Variants in DGKH observed in about 807,000 individuals in gnomAD.
DGKH encodes DAG kinase eta.
In DGKH, 90 loss-of-function variants were observed where a neutral mutation model predicts 159.3. The ratio of observed to expected loss-of-function variants is 0.57; its 90% CI spans 0.48 to 0.67. DGKH has a LOEUF of 0.67. Among genes scored for constraint, DGKH ranks in the 30% least tolerant of loss-of-function variants. The pLI, the probability that DGKH is intolerant of heterozygous loss-of-function variation, is 0.00. For missense variants in DGKH, 1,181 were observed against 1,506.1 expected, an observed-to-expected ratio of 0.78 and a Z score of 3.57; for synonymous variants, 536 against 553.8, an observed-to-expected ratio of 0.97 and a Z score of 0.45.
At chr13:42,064,860 G>T (rs1262258154) in intron 1 of DGKH, among the ~76,000 whole-genome samples, 2 of 151,994 alleles carry the variant, frequency 1.3e-5, no homozygotes, top group East Asian at 3.9e-4. Context: ...CCTAAAGAAA[G>T]AAATAAATCT....
intron 8 of DGKH, among the ~76,000 whole-genome samples, chr13:42,165,892 A>G (rs926982560): frequency 1.3e-5 from 2 of 152,128 alleles, no homozygotes; most frequent in South Asian, 2.1e-4. Flanking sequence ...GAACCCCTCT[A>G]CAACACCGGT....
intron 11 of DGKH, among the ~76,000 whole-genome samples, chr13:42,173,715 A>T (rs776807920): frequency 6.6e-6 from 1 of 152,220 alleles, no homozygotes; most frequent in Non-Finnish European, 1.5e-5. Flanking sequence ...ACAGAAAAGA[A>T]TGGAAAAGTC....
intron 1 of DGKH, among the ~76,000 whole-genome samples, chr13:42,080,329 G>A (rs569545386): frequency 1.3e-5 from 2 of 152,232 alleles, no homozygotes; most frequent in African/African-American, 2.4e-5. Flanking sequence ...GCTGAGTTTC[G>A]TACCATATAG....
intron 1 of DGKH, among the ~76,000 whole-genome samples, chr13:42,040,722 G>A (rs1167689434): frequency 6.7e-6 from 1 of 150,078 alleles, no homozygotes; most frequent in East Asian, 2.0e-4. Flanking sequence ...CGGAGACGGC[G>A]GGTGGGCCGG....
At chr13:42,049,031 C>T (rs1593946647) in intron 1 of DGKH, 66 bp downstream of exon 1, 1 of 996,672 alleles carries the variant, frequency 1.0e-6, no homozygotes, top group African/African-American at 1.9e-5. Flanking sequence ...CGCGGGGGCG[C>T]TGGAACGCGC....
At chr13:42,119,029 C>T (rs1168137458) in intron 1 of DGKH, among the ~76,000 whole-genome samples, 3 of 152,092 alleles carry the variant, frequency 2.0e-5, no homozygotes, top group Non-Finnish European at 4.4e-5. Context: ...TTTGAATTTC[C>T]AAATGATTTA....
At chr13:42,050,603 C>T (rs766533884) in intron 1 of DGKH, among the ~76,000 whole-genome samples, 1 of 152,046 alleles carries the variant, frequency 6.6e-6, no homozygotes, top group Non-Finnish European at 1.5e-5. Flanking sequence ...AAGTTAGGGA[C>T]TTTCCTAAAA....
intron 16 of DGKH, among the ~76,000 whole-genome samples, chr13:42,192,498 G>A (rs1200335938): frequency 1.3e-5 from 2 of 152,048 alleles, no homozygotes; most frequent in East Asian, 1.9e-4. Flanking sequence ...ACATTTGACT[G>A]TATCAAAGAG....
In DGKH at chr13:42,230,065, C is replaced by T. The variant is rs538428288; in HGVS notation, c.*877C>T. Reference sequence around the variant, plus strand: ...GTTAAGAAAATTCTCTGGATATTTTCATAAAATTACATGCTCCCTTACCTG... The same window carrying T: ...GTTAAGAAAATTCTCTGGATATTTTTATAAAATTACATGCTCCCTTACCTG... On this transcript the variant is annotated 3_prime_UTR_variant, in exon 30 of 30. Coordinates refer to ENST00000337343, the MANE Select transcript of DGKH (RefSeq NM_178009.5). 1.3e-5 allele frequency: 2 copies of T among 152,270 alleles called. No homozygotes were observed. Among genetic ancestry groups the T allele is most frequent in the South Asian group, 2.1e-4 (1 of 4,828 alleles). 9.4% of individuals were successfully genotyped at this position (152,270 alleles called of 1,614,324 possible).
chr13:42,059,309 G>C (rs1333618546), intron 1 of DGKH, among the ~76,000 whole-genome samples: 3 of 151,750 alleles, frequency 2.0e-5, no homozygotes, highest in Admixed American at 2.0e-4. Context: ...GAGTGCAGTG[G>C]CATGATCTCA....
At chr13:42,139,854 G>A (rs953394899) in intron 3 of DGKH, among the ~76,000 whole-genome samples, 2 of 152,200 alleles carry the variant, frequency 1.3e-5, no homozygotes, top group African/African-American at 4.8e-5. Context: ...CCTGCCTTCA[G>A]GGATAGGTCC....
At chr13:42,051,646 C>CTTTTTTTTTTT (rs56413015) in intron 1 of DGKH, among the ~76,000 whole-genome samples, 3 of 50,182 alleles carry the variant, frequency 6.0e-5, no homozygotes, top group African/African-American at 2.3e-4. Flanking sequence ...TCAAAGCCAT[C>CTTTTTTTTTTT]TTTTTTTTTT....
chr13:42,189,437 T>C (rs1957011403), intron 15 of DGKH, 128 bp downstream of exon 15: 3 of 1,243,262 alleles, frequency 2.4e-6, no homozygotes, highest in Admixed American at 2.7e-5. Context: ...AGATAGAAGA[T>C]ACAGTCATTA....
At chr13:42,221,133 A>G in intron 28 of DGKH, 131 bp from the exon 29 acceptor site, 1 of 1,223,614 alleles carries the variant, frequency 8.2e-7, no homozygotes, top group Non-Finnish European at 1.1e-6. Context: ...TTTTGTTGAA[A>G]CAACACCTTT....
At chr13:42,164,412 A>C (rs1956264485) in intron 7 of DGKH, among the ~76,000 whole-genome samples, 2 of 152,214 alleles carry the variant, frequency 1.3e-5, no homozygotes, top group African/African-American at 2.4e-5. Context: ...AGCATAATAG[A>C]AAACTGTCTA....
At chr13:42,149,285 C>G (rs1955818286) in intron 3 of DGKH, among the ~76,000 whole-genome samples, 1 of 152,160 alleles carries the variant, frequency 6.6e-6, no homozygotes, top group Non-Finnish European at 1.5e-5. Flanking sequence ...CTCAGATCCT[C>G]TAGTCTTGGT....
intron 3 of DGKH, among the ~76,000 whole-genome samples, chr13:42,148,726 G>T (rs561181526): frequency 6.6e-6 from 1 of 151,958 alleles, no homozygotes; most frequent in Non-Finnish European, 1.5e-5. Context: ...CCTCATAATT[G>T]CCCCTCTGCT....
rs1958245495 is a variant in DGKH at position 42,229,969 on chromosome 13, T to C, written c.*781T>C. On this transcript the variant is annotated 3_prime_UTR_variant, in exon 30 of 30. Transcript: ENST00000337343. The stretch of plus-strand genomic sequence containing the variant: ...ACTTTGTGAAAGTGTGTCTGTGCCA[T>C]AATCAACAAATGATATACATCACAT... The C allele has an allele frequency of 6.6e-6, 1 of 152,182 alleles. No homozygotes were observed. Among genetic ancestry groups the C allele is most frequent in the Non-Finnish European group, 1.5e-5 (1 of 68,024 alleles). The allele number at this position is 152,182 out of a possible 1,614,324, so 9.4% of individuals were successfully genotyped here.
chr13:42,083,999 T>C (rs1954257981), intron 1 of DGKH, among the ~76,000 whole-genome samples: 1 of 152,124 alleles, frequency 6.6e-6, no homozygotes, highest in African/African-American at 2.4e-5. Flanking sequence ...AGTGACCTTT[T>C]ACAGGTAGAG....
Sources: allele counts gnomAD v4.1 joint callset (sites outside exome capture counted in the v4.1 genomes callset), GRCh38; gene constraint gnomAD v4.1.1; transcripts MANE v1.5; gene names NCBI Gene and HGNC (gene_info 2026-07-23, HGNC 2026-07-21).